Variants in BMP6 observed in about 807,000 individuals in gnomAD.
The protein encoded by BMP6 is VG-1-R.
A neutral mutation model predicts 54.1 loss-of-function variants in BMP6; 17 were observed. The observed-to-expected ratio is 0.31, with a 90% CI of 0.22 to 0.47. BMP6 has a LOEUF of 0.47. Ranked by LOEUF, BMP6 falls within the 20% of genes least tolerant of loss-of-function variation. BMP6 has a pLI of 1.00. For synonymous variants in BMP6, 328 were observed against 291.2 expected (o/e 1.13, Z -1.28); for missense variants, 720 against 690.4 (o/e 1.04, Z -0.48).
intron 1 of BMP6, among the ~76,000 whole-genome samples, chr6:7,781,583 CCATT>C (rs959812466): frequency 6.6e-6 from 1 of 151,522 alleles, no homozygotes; most frequent in African/African-American, 2.4e-5. Context: ...GAGTCTCTCT[CCATT>C]CATTCATTGT....
chr6:7,852,275 A>G (rs1366928628), intron 2 of BMP6, among the ~76,000 whole-genome samples: 2 of 152,226 alleles, frequency 1.3e-5, no homozygotes, highest in African/African-American at 4.8e-5. Flanking sequence ...TAGCCCTTTC[A>G]GCTAAAAGTC....
intron 1 of BMP6, among the ~76,000 whole-genome samples, chr6:7,823,505 TAA>T (rs892217812): frequency 1.3e-5 from 2 of 152,272 alleles, no homozygotes; most frequent in African/African-American, 4.8e-5. Context: ...AACAATAAAT[TAA>T]TAAATTCAAT....
At chr6:7,790,547 GAC>G (rs1457394138) in intron 1 of BMP6, among the ~76,000 whole-genome samples, 14 of 96,896 alleles carry the variant, frequency 1.4e-4, no homozygotes, top group Non-Finnish European at 8.3e-5. Flanking sequence ...AAAAAAAAAA[GAC>G]ACACACATAT....
At chr6:7,738,526 C>T (rs957849289) in intron 1 of BMP6, among the ~76,000 whole-genome samples, 1 of 152,142 alleles carries the variant, frequency 6.6e-6, no homozygotes, top group African/African-American at 2.4e-5. Flanking sequence ...GTGTAGCCCT[C>T]CCGCTTCTGT....
intron 1 of BMP6, among the ~76,000 whole-genome samples, chr6:7,745,039 TTA>T (rs923897819): frequency 1.3e-5 from 2 of 152,292 alleles, no homozygotes; most frequent in Admixed American, 6.5e-5. Context: ...TTGCCAGAGT[TTA>T]TGTTTCTAAT....
intron 4 of BMP6, among the ~76,000 whole-genome samples, chr6:7,872,074 C>A (rs186503968): frequency 6.6e-6 from 1 of 152,278 alleles, no homozygotes; most frequent in East Asian, 1.9e-4. Flanking sequence ...CTCTCTCTAG[C>A]TGTCTCACTT....
intron 1 of BMP6, among the ~76,000 whole-genome samples, chr6:7,809,104 C>T (rs986775929): frequency 2.7e-5 from 3 of 111,922 alleles, no homozygotes; most frequent in Admixed American, 9.1e-5. Flanking sequence ...GTATAGTACC[C>T]CCCACCCCCC....
chr6:7,852,279 A>G (rs1759155521), intron 2 of BMP6, among the ~76,000 whole-genome samples: 1 of 152,224 alleles, frequency 6.6e-6, no homozygotes, highest in African/African-American at 2.4e-5. Context: ...CCTTTCAGCT[A>G]AAAGTCTAGG....
intron 1 of BMP6, among the ~76,000 whole-genome samples, chr6:7,838,134 T>G (rs974038314): frequency 6.6e-6 from 1 of 152,136 alleles, no homozygotes; most frequent in African/African-American, 2.4e-5. Flanking sequence ...AACAGTTGAG[T>G]ATAGTATAGT....
At chr6:7,872,814 CTTTTTTT>C (rs55666956) in intron 4 of BMP6, among the ~76,000 whole-genome samples, 2 of 133,838 alleles carry the variant, frequency 1.5e-5, no homozygotes, top group East Asian at 2.1e-4. Flanking sequence ...CTTTTTTTTT[CTTTTTTT>C]TTTTTTTTTG....
At chr6:7,868,496 G>C in intron 4 of BMP6, among the ~76,000 whole-genome samples, 1 of 152,232 alleles carries the variant, frequency 6.6e-6, no homozygotes, top group East Asian at 1.9e-4. Flanking sequence ...ATAAGATGGG[G>C]CCGATAAGGC....
intron 1 of BMP6, among the ~76,000 whole-genome samples, chr6:7,841,131 A>G (rs143832672): frequency 2.4e-3 from 372 of 152,306 alleles, no homozygotes; most frequent in African/African-American, 8.5e-3. Context: ...TAGAAATGTT[A>G]TTATTTCAAT....
In BMP6 at chr6:7,864,011, A is replaced by G. The variant is rs577982699; in HGVS notation, c.1204+1513A>G. Among the ~76,000 whole-genome samples, 60 of 54,806 alleles carry G rather than the reference A, an allele frequency of 1.1e-3. No homozygotes were observed. The East Asian group carries it at 0.034, about 31-fold the overall frequency. 36.0% of individuals were successfully genotyped at this position (54,806 alleles called of 152,430 possible). ...TGAGTGACAGAGCGAGACTCCATCG[A>G]AAAAAAAAAAAAAAAAGTTCTCCCC... On this transcript the variant is annotated intron_variant, in intron 4 of 6. Coordinates refer to ENST00000283147, the MANE Select transcript of BMP6 (RefSeq NM_001718.6).
chr6:7,727,391 G>A lies in BMP6; in HGVS notation c.436G>A (p.Asp146Asn), dbSNP rs1185271855. Residue 146 changes from aspartate to asparagine, a missense_variant, in exon 1 of 7, where the codon GAC becomes AAC. By Grantham distance (23) the Asp-to-Asn change is conservative (BLOSUM62 1). Around this residue, in one of 3 missense-constraint regions of BMP6, gnomAD observed 650 missense variants for 556.3 expected, o/e 1.17. Coordinates refer to ENST00000283147, the MANE Select transcript of BMP6 (RefSeq NM_001718.6). ...MLDLYNALSA[D>N]NDEDGASEGE... ...GGATCTGTACAACGCCCTGTCCGCC[G>A]ACAACGACGAGGACGGGGCGTCGGA... is the stretch of plus-strand genomic sequence containing the variant. 1.2e-6 allele frequency: 2 copies of A among 1,607,730 alleles called. No individual in the cohort carries two copies. The highest frequency in any genetic ancestry group is 1.7e-5 in the Admixed American group (1 of 59,648).
At chr6:7,731,347 G>C (rs1761854067) in intron 1 of BMP6, among the ~76,000 whole-genome samples, 1 of 152,180 alleles carries the variant, frequency 6.6e-6, no homozygotes. Flanking sequence ...TCACCTAAGA[G>C]AGACCTTCTC....
chr6:7,848,137 T>G (rs1395260218), intron 2 of BMP6, among the ~76,000 whole-genome samples: 1 of 152,204 alleles, frequency 6.6e-6, no homozygotes, highest in Non-Finnish European at 1.5e-5. Context: ...ATCCCCTTCA[T>G]GTTTAAAAAT....
intron 1 of BMP6, among the ~76,000 whole-genome samples, chr6:7,801,629 G>C (rs1195101412): frequency 6.6e-6 from 1 of 152,210 alleles, no homozygotes. Flanking sequence ...TAATAGAGTA[G>C]TGTCAGAGAA....
intron 1 of BMP6, among the ~76,000 whole-genome samples, chr6:7,790,127 A>G (rs1369836927): frequency 1.3e-5 from 2 of 152,064 alleles, no homozygotes; most frequent in African/African-American, 4.8e-5. Flanking sequence ...TGAGCAATAC[A>G]TGCCCCCTGC....
At chr6:7,731,701 T>C (rs1386915943) in intron 1 of BMP6, among the ~76,000 whole-genome samples, 1 of 152,230 alleles carries the variant, frequency 6.6e-6, no homozygotes, top group Admixed American at 6.5e-5. Context: ...TTTTATTGAG[T>C]AAAATGTTTA....
Sources: allele counts gnomAD v4.1 joint callset (sites outside exome capture counted in the v4.1 genomes callset), GRCh38; gene constraint gnomAD v4.1.1; regional missense constraint gnomAD v4.1.1; transcripts MANE v1.5; gene names NCBI Gene and HGNC (gene_info 2026-07-23, HGNC 2026-07-21).